ARHGAP32: variants seen among roughly 807,000 people sequenced by gnomAD.
ARHGAP32 encodes the protein Rho GTPase activating protein 32, also known as rho GTPase-activating protein 32.
Under a neutral mutation model 186.5 loss-of-function variants are expected in ARHGAP32, and 51 were observed. That is an observed-to-expected ratio of 0.27 (90% CI 0.22 to 0.35). ARHGAP32 has a LOEUF of 0.35. Among genes scored for constraint, ARHGAP32 ranks in the 10% least tolerant of loss-of-function variants. The probability of loss-of-function intolerance (pLI) is 1.00; values close to 1 mark genes in which losing one functional copy is unlikely to be tolerated. For missense variants in ARHGAP32, 2,186 were observed against 2,623.5 expected (o/e 0.83, Z 3.64); for synonymous variants, 950 against 964.3 (o/e 0.99, Z 0.27).
intron 1 of ARHGAP32, among the ~76,000 whole-genome samples, chr11:129,225,444 G>C (rs528407157): frequency 6.6e-6 from 1 of 152,118 alleles, no homozygotes; most frequent in Non-Finnish European, 1.5e-5. Context: ...CACACACAAA[G>C]AGCCTCTCAG....
At chr11:129,203,891 C>T (rs1042819909) in intron 1 of ARHGAP32, among the ~76,000 whole-genome samples, 1 of 148,240 alleles carries the variant, frequency 6.7e-6, no homozygotes, top group African/African-American at 2.5e-5. Flanking sequence ...GAGTGAGACC[C>T]CCATCTAAAA....
intron 20 of ARHGAP32, 46 bp from the exon 21 acceptor site, chr11:128,975,048 C>A: frequency 1.3e-6 from 2 of 1,519,526 alleles, no homozygotes; most frequent in East Asian, 2.3e-5. Context: ...ATCGTAGATA[C>A]AGAATGCTGT....
chr11:129,219,670 TATA>T (rs77366846), intron 1 of ARHGAP32, among the ~76,000 whole-genome samples: 10,110 of 152,198 alleles, frequency 0.066, 404 homozygotes, highest in Middle Eastern at 0.082. Flanking sequence ...TCTCATTTTT[TATA>T]ATTTCAGTAA....
intron 1 of ARHGAP32, among the ~76,000 whole-genome samples, chr11:129,269,941 G>A (rs1462500423): frequency 1.3e-5 from 2 of 152,118 alleles, no homozygotes; most frequent in African/African-American, 2.4e-5. Flanking sequence ...ACAGCCACTT[G>A]GGAAGACAGT....
Position 129,134,927 on chromosome 11 carries a change from C to A in ARHGAP32, c.226-10033G>T, listed in dbSNP as rs145746494. On this transcript the variant is annotated intron_variant, in intron 2 of 22. Coordinates refer to ENST00000682385, the MANE Select transcript of ARHGAP32 (RefSeq NM_001378024.1). Reference sequence around the variant, plus strand: ...ATCTTAGACTTCCCAGCCTCCAAAACTATGAGCAATAAATTTCTATTGTTT... The same window carrying A: ...ATCTTAGACTTCCCAGCCTCCAAAAATATGAGCAATAAATTTCTATTGTTT... Among the ~76,000 whole-genome samples the A allele has an allele frequency of 4.0e-3, 608 of 152,290 alleles. 4 individuals carry two copies. The highest frequency in any genetic ancestry group is 0.019 in the Admixed American group (284 of 15,300).
Position 128,972,927 on chromosome 11 carries a change from A to G in ARHGAP32, c.3579T>C (p.His1193=), listed in dbSNP as rs781311096. The G allele has an allele frequency of 1.9e-6, 3 of 1,614,040 alleles. No homozygotes were observed. The South Asian group carries it at 3.3e-5, about 18-fold the overall frequency. ...VPLDSEKSDD[H]VSFPEDQSGK... is the part of the protein sequence containing the mutation. ...CAGACTGGTCTTCAGGGAAACTTAC[A>G]TGATCATCAGACTTCTCTGAGTCTA... Residue 1193 remains histidine (H), a synonymous_variant, in exon 22 of 23, where the codon CAT becomes CAC. Coordinates refer to ENST00000682385, the MANE Select transcript of ARHGAP32 (RefSeq NM_001378024.1).
intron 2 of ARHGAP32, among the ~76,000 whole-genome samples, chr11:129,145,998 A>G (rs1405380839): frequency 1.3e-5 from 2 of 152,124 alleles, no homozygotes; most frequent in African/African-American, 4.8e-5. Context: ...ATATTAATCA[A>G]TGGTTACATT....
intron 1 of ARHGAP32, among the ~76,000 whole-genome samples, chr11:129,263,627 AG>A (rs1203961676): frequency 4.6e-5 from 4 of 86,364 alleles, no homozygotes; most frequent in Non-Finnish European, 6.7e-5. Context: ...GGAGAGGGGG[AG>A]GGGAGAGGGA....
intron 10 of ARHGAP32, among the ~76,000 whole-genome samples, chr11:129,050,296 T>C (rs1238658319): frequency 6.6e-6 from 1 of 152,234 alleles, no homozygotes; most frequent in African/African-American, 2.4e-5. Context: ...AATTTGCCAT[T>C]CACATATCCT....
At chr11:129,021,191 G>T (rs1293551209) in intron 11 of ARHGAP32, among the ~76,000 whole-genome samples, 1 of 151,966 alleles carries the variant, frequency 6.6e-6, no homozygotes, top group Non-Finnish European at 1.5e-5. Context: ...TTACTGACTG[G>T]AATGCAAATG....
intron 11 of ARHGAP32, among the ~76,000 whole-genome samples, chr11:129,039,655 G>A (rs1198871507): frequency 6.6e-6 from 1 of 152,192 alleles, no homozygotes; most frequent in East Asian, 1.9e-4. Context: ...TGTGGTGATG[G>A]CTGCACAACC....
At chr11:129,204,056 T>C (rs990571113) in intron 1 of ARHGAP32, among the ~76,000 whole-genome samples, 15 of 148,740 alleles carry the variant, frequency 1.0e-4, no homozygotes, top group Admixed American at 6.7e-5. Context: ...ATAAAATATA[T>C]ATAAGATTGA....
At chr11:129,055,130 G>A (rs1423047144) in intron 10 of ARHGAP32, among the ~76,000 whole-genome samples, 1 of 152,196 alleles carries the variant, frequency 6.6e-6, no homozygotes, top group Non-Finnish European at 1.5e-5. Flanking sequence ...AAGTTTAAGA[G>A]TCAGTGGCAA....
chr11:129,032,837 C>T (rs1939171905), intron 11 of ARHGAP32, among the ~76,000 whole-genome samples: 1 of 152,160 alleles, frequency 6.6e-6, no homozygotes, highest in South Asian at 2.1e-4. Context: ...CAAAAAGATG[C>T]TCAATATCAT....
chr11:129,099,180 A>G (rs1452011123), intron 5 of ARHGAP32, among the ~76,000 whole-genome samples: 2 of 152,226 alleles, frequency 1.3e-5, no homozygotes, highest in Admixed American at 6.5e-5. Context: ...TTGGCAGAAT[A>G]ACAAAGTAAC....
At chr11:129,007,285 G>A (rs1937833766) in intron 11 of ARHGAP32, among the ~76,000 whole-genome samples, 1 of 151,702 alleles carries the variant, frequency 6.6e-6, no homozygotes, top group Admixed American at 6.6e-5. Context: ...CAAGCAGAAG[G>A]AGTCTTTCAC....
intron 2 of ARHGAP32, among the ~76,000 whole-genome samples, chr11:129,159,765 CAAA>C (rs1160831893): frequency 1.3e-5 from 2 of 151,990 alleles, no homozygotes; most frequent in Non-Finnish European, 2.9e-5. Context: ...AGAGACACAA[CAAA>C]AAAACTAAAT....
At chr11:129,254,462 G>C (rs1366198568) in intron 1 of ARHGAP32, among the ~76,000 whole-genome samples, 21 of 151,972 alleles carry the variant, frequency 1.4e-4, no homozygotes, top group Admixed American at 1.4e-3. Flanking sequence ...AAGATAAATA[G>C]TAACTATTTT....
chr11:129,194,079 T>TA (rs1225717785), upstream of ARHGAP32, among the ~76,000 whole-genome samples: 1 of 151,988 alleles, frequency 6.6e-6, no homozygotes, highest in Non-Finnish European at 1.5e-5. Context: ...ATCTATCACA[T>TA]AGGCAAAGCT....
Sources: allele counts gnomAD v4.1 joint callset (sites outside exome capture counted in the v4.1 genomes callset), GRCh38; gene constraint gnomAD v4.1.1; transcripts MANE v1.5; gene names NCBI Gene and HGNC (gene_info 2026-07-23, HGNC 2026-07-21).